The following EHBP1 variants were observed in gnomAD, a reference collection of about 807,000 sequenced individuals.
EHBP1 encodes the protein EH domain-binding protein 1.
In EHBP1, 55 loss-of-function variants were observed where a neutral mutation model predicts 144.0. That is an observed-to-expected ratio of 0.38 (90% confidence interval 0.31 to 0.48). The LOEUF is 0.48. Among genes scored for constraint, EHBP1 ranks in the 20% least tolerant of loss-of-function variants. The probability of loss-of-function intolerance (pLI) is 0.98; values close to 1 mark genes in which losing one functional copy is unlikely to be tolerated. For synonymous variants in EHBP1, 469 were observed against 472.7 expected (o/e 0.99, Z 0.10); for missense variants, 1,200 against 1,364.2 (o/e 0.88, Z 1.90).
At chr2:62,818,305 A>G (rs919605557) in intron 5 of EHBP1, among the ~76,000 whole-genome samples, 19 of 151,736 alleles carry the variant, frequency 1.3e-4, no homozygotes, top group African/African-American at 3.1e-4. Context: ...CATACCATTT[A>G]AAAAGTTTTT....
At chr2:62,744,169 G>A (rs913363439) in intron 2 of EHBP1, among the ~76,000 whole-genome samples, 7 of 152,046 alleles carry the variant, frequency 4.6e-5, no homozygotes, top group African/African-American at 1.4e-4. Flanking sequence ...ATGTTTACAT[G>A]TAATATATAA....
chr2:62,832,740 C>G (rs1295222223), intron 7 of EHBP1, among the ~76,000 whole-genome samples: 4 of 152,216 alleles, frequency 2.6e-5, no homozygotes, highest in Non-Finnish European at 4.4e-5. Flanking sequence ...ACTGATCCAC[C>G]AACTAGCTGT....
intron 6 of EHBP1, among the ~76,000 whole-genome samples, chr2:62,827,658 T>C (rs776537820): frequency 1.3e-5 from 2 of 152,162 alleles, no homozygotes; most frequent in Admixed American, 6.6e-5. Context: ...TGGTATGCAA[T>C]TAAGCAAGTT....
chr2:62,865,302 A>T (rs2049952450), intron 9 of EHBP1, among the ~76,000 whole-genome samples: 1 of 152,232 alleles, frequency 6.6e-6, no homozygotes, highest in Non-Finnish European at 1.5e-5. Context: ...TGTAGACATT[A>T]AACTTCAGTT....
At chr2:62,996,252 A>G (rs944133453) in intron 18 of EHBP1, among the ~76,000 whole-genome samples, 13 of 152,048 alleles carry the variant, frequency 8.5e-5, no homozygotes, top group African/African-American at 2.4e-4. Context: ...ATTTTTGTGT[A>G]TTACACTTTT....
At chr2:62,834,587 G>A (rs568628169) in intron 7 of EHBP1, among the ~76,000 whole-genome samples, 3 of 152,252 alleles carry the variant, frequency 2.0e-5, no homozygotes, top group South Asian at 4.1e-4. Context: ...TAGTATAAAC[G>A]TAACTTTTAT....
chr2:62,874,290 C>A, intron 9 of EHBP1, 56 bp from the exon 10 acceptor site: 2 of 1,327,976 alleles, frequency 1.5e-6, no homozygotes, highest in Admixed American at 2.5e-5. Flanking sequence ...TATTATTTTA[C>A]TTGTAAATGA....
chr2:62,811,751 G>T (rs1231190576), intron 5 of EHBP1, among the ~76,000 whole-genome samples: 1 of 152,174 alleles, frequency 6.6e-6, no homozygotes, highest in Non-Finnish European at 1.5e-5. Context: ...CTCTTCTAAT[G>T]ATTTTGATTC....
intron 7 of EHBP1, among the ~76,000 whole-genome samples, chr2:62,841,499 T>A (rs1363491474): frequency 6.6e-6 from 1 of 151,818 alleles, no homozygotes; most frequent in Non-Finnish European, 1.5e-5. Context: ...AAAATAAAAA[T>A]AAAAAAAATA....
At chr2:62,928,042 G>T (rs1198789123) in intron 10 of EHBP1, among the ~76,000 whole-genome samples, 1 of 152,154 alleles carries the variant, frequency 6.6e-6, no homozygotes, top group East Asian at 1.9e-4. Flanking sequence ...AGAGAAAAAT[G>T]AAAATAAAAA....
chr2:62,888,984 A>G lies in EHBP1; in HGVS notation c.1185+14452A>G, dbSNP rs146593121. On this transcript the variant is annotated intron_variant, in intron 10 of 22. Coordinates refer to ENST00000431489, the MANE Select transcript of EHBP1 (RefSeq NM_001142616.3). ...AGCCACTAACTCCTGGAGGCATGCAAGTACAAACTTGGCACTTAAACAAAC... is the reference window on the plus strand; with the variant it reads ...AGCCACTAACTCCTGGAGGCATGCAGGTACAAACTTGGCACTTAAACAAAC... Among the ~76,000 whole-genome samples the G allele has an allele frequency of 7.3e-5, 11 of 150,638 alleles. No homozygotes were observed. In the East Asian group the frequency reaches 2.2e-3, roughly 29 times the overall value.
At chr2:62,767,833 CA>C (rs1208266767) in intron 4 of EHBP1, among the ~76,000 whole-genome samples, 24,917 of 76,314 alleles carry the variant, frequency 0.33, 2,158 homozygotes, top group Middle Eastern at 0.46. Flanking sequence ...AAGACTCTGT[CA>C]AAAAAAAAAA....
At chr2:62,782,351 A>G (rs908361521) in intron 5 of EHBP1, among the ~76,000 whole-genome samples, 1 of 152,238 alleles carries the variant, frequency 6.6e-6, no homozygotes, top group East Asian at 1.9e-4. Flanking sequence ...TTTTAAGTGT[A>G]GCTTTTCAGA....
chr2:62,948,689 G>A lies in EHBP1; in HGVS notation c.1843G>A (p.Asp615Asn). 6.2e-7 allele frequency: 1 copy of A among 1,614,004 alleles called. No homozygotes were observed. The highest frequency in any genetic ancestry group is 8.5e-7 in the Non-Finnish European group (1 of 1,179,972). ...CCCTTACTGTCGCAGGACTAAAAGT[G>A]ACACAGAACCCCAGAAGTCTCAGCA... Reference protein sequence around the residue: ...ASPYCRRTKSDTEPQKSQQSS... With the variant: ...ASPYCRRTKSNTEPQKSQQSS... Residue 615 changes from aspartate to asparagine, a missense_variant, in exon 13 of 23, where the codon GAC (aspartate) becomes AAC (asparagine). Coordinates refer to ENST00000431489, the MANE Select transcript of EHBP1 (RefSeq NM_001142616.3).
chr2:62,864,501 T>G (rs894818595), intron 8 of EHBP1, among the ~76,000 whole-genome samples: 1 of 152,192 alleles, frequency 6.6e-6, no homozygotes, highest in Non-Finnish European at 1.5e-5. Context: ...ATGCCATTTT[T>G]GGGAGTACCA....
chr2:62,863,245 A>C (rs1010337848), intron 8 of EHBP1, among the ~76,000 whole-genome samples: 3 of 151,592 alleles, frequency 2.0e-5, no homozygotes, highest in African/African-American at 7.3e-5. Flanking sequence ...AGATTGCACC[A>C]CTGCACTCCA....
At chr2:62,916,097 G>A (rs780613182) in intron 10 of EHBP1, among the ~76,000 whole-genome samples, 11 of 152,130 alleles carry the variant, frequency 7.2e-5, no homozygotes, top group Non-Finnish European at 1.6e-4. Context: ...GAAGTGGGAG[G>A]ATGACTTGAG....
At chr2:62,906,304 A>T (rs2053806633) in intron 10 of EHBP1, among the ~76,000 whole-genome samples, 1 of 152,102 alleles carries the variant, frequency 6.6e-6, no homozygotes, top group Non-Finnish European at 1.5e-5. Context: ...TGTCCCAGTG[A>T]TCTGTTTGTC....
In EHBP1 at chr2:62,993,824, T is replaced by C. The variant is rs776980068; in HGVS notation, c.2873-47T>C. On this transcript the variant is annotated intron_variant, in intron 17 of 22. Coordinates refer to ENST00000431489, the MANE Select transcript of EHBP1 (RefSeq NM_001142616.3). ...AAATTCACATTTCAATACACAAATA[T>C]CAAGCTTTACAATAATTTTACATGT... 9.8e-6 allele frequency: 14 copies of C among 1,427,934 alleles called. No homozygotes were observed. The Admixed American group carries it at 3.5e-4, about 36-fold the overall frequency. 88.5% of individuals were successfully genotyped at this position (1,427,934 alleles called of 1,614,324 possible).
Sources: gnomAD v4.1 joint callset for allele counts (sites outside exome capture counted in the v4.1 genomes callset) on GRCh38, gnomAD v4.1.1 for gene constraint, MANE v1.5 for transcripts, NCBI Gene and HGNC (gene_info 2026-07-23, HGNC 2026-07-21) for gene names.